Variants in DIP2A observed in about 807,000 individuals in gnomAD.
DIP2A encodes DIP2 acetate--CoA ligase A.
A neutral mutation model predicts 177.4 loss-of-function variants in DIP2A; 85 were observed. The ratio of observed to expected loss-of-function variants is 0.48; its 90% CI spans 0.40 to 0.57. The LOEUF (loss-of-function observed/expected upper bound fraction) is 0.57. Among genes scored for constraint, DIP2A ranks in the 20% least tolerant of loss-of-function variants. The pLI is 0.00. For missense variants in DIP2A, 1,791 were observed against 2,100.2 expected, an observed-to-expected ratio of 0.85 and a Z score of 2.88; for synonymous variants, 886 against 881.8, an observed-to-expected ratio of 1.00 and a Z score of -0.08.
In DIP2A at chr21:46,546,932, C is replaced by G; in HGVS notation, c.2412C>G (p.Ile804Met). Residue 804 changes from isoleucine (I) to methionine (M), a missense_variant, in exon 21 of 38, where the codon ATC becomes ATG. Coordinates refer to ENST00000417564, the MANE Select transcript of DIP2A (RefSeq NM_015151.4). The part of the protein sequence containing the change: ...GFIGPDNLVF[I>M]VGKLDGLMVT... ...TCCCTCAGGACAACCTGGTCTTCAT[C>G]GTGGGCAAACTGGACGGGCTGATGG... 6.2e-7 allele frequency: 1 copy of G among 1,613,834 alleles called. No individual in the cohort carries two copies.
intron 1 of DIP2A, among the ~76,000 whole-genome samples, chr21:46,483,569 A>C (rs2056492724): frequency 6.6e-6 from 1 of 152,230 alleles, no homozygotes; most frequent in Non-Finnish European, 1.5e-5. Context: ...GCCGTGGCTC[A>C]GGCTCTTCTT....
Position 46,541,892 on chromosome 21 carries a change from G to A in DIP2A, c.2173G>A (p.Gly725Arg), listed in dbSNP as rs2059834032. ...TCAGGACGTTGGTCAGGTGATGCCT[G>A]GAGGTAAGAGACATAACCAGAGTGG... is the stretch of plus-strand genomic sequence containing the variant. ...TVQDVGQVMP[G>R]ANVCVVKLEG... Residue 725 changes from glycine (G) to arginine (R), a missense_variant, in exon 18 of 38, where the codon GGA becomes AGA. By Grantham distance (125) the Gly-to-Arg change is moderately radical. Transcript: ENST00000417564. 1.2e-6 allele frequency: 2 copies of A among 1,614,018 alleles called. No individual in the cohort carries two copies. Among genetic ancestry groups the A allele is most frequent in the South Asian group, 1.1e-5 (1 of 91,086 alleles).
At chr21:46,503,612 CTTTCTTTCTTTCTTTCTTTCT>C (rs2057792710) in intron 5 of DIP2A, among the ~76,000 whole-genome samples, 1 of 79,658 alleles carries the variant, frequency 1.3e-5, no homozygotes, top group East Asian at 4.5e-4. Context: ...TCCTTCCTTC[CTTTCTTTCTTTCTTTCTTTCT>C]TTCCTTTCTT....
chr21:46,503,757 G>A (rs763498697), intron 5 of DIP2A, among the ~76,000 whole-genome samples: 9 of 144,320 alleles, frequency 6.2e-5, no homozygotes, highest in African/African-American at 7.7e-5. Flanking sequence ...AGAGAGTGTC[G>A]CTCTGTTGCC....
In DIP2A at chr21:46,490,648, A is replaced by G. The variant is rs1417661419; in HGVS notation, c.212A>G (p.Gln71Arg). The change falls in exon 3 of 38, where the codon CAA (glutamine) becomes CGA (arginine). Residue 71 changes from glutamine to arginine, a missense_variant. By Grantham distance (43) the Gln-to-Arg change is conservative. Coordinates refer to ENST00000417564, the MANE Select transcript of DIP2A (RefSeq NM_015151.4). ...QAENRIPGPS[Q>R]TTAAAPKQQK... ...GAGAATAGAATTCCTGGGCCCTCAC[A>G]AACCACGGCCGCTGCACCCAAGCAG... 3.8e-6 allele frequency: 6 copies of G among 1,588,544 alleles called. No individual in the cohort carries two copies. The highest frequency in any genetic ancestry group is 5.1e-6 in the Non-Finnish European group (6 of 1,167,378).
chr21:46,569,720 G>C lies in DIP2A; in HGVS notation c.*2098G>C, dbSNP rs2060929514. The C allele has an allele frequency of 6.6e-6, 1 of 152,116 alleles. No individual in the cohort carries two copies. The highest frequency in any genetic ancestry group is 2.1e-4 in the South Asian group (1 of 4,828). 9.4% of individuals were successfully genotyped at this position (152,116 alleles called of 1,614,324 possible). ...TATTGACTTTGTAATTCTGCATTTTGAAATGTGTGAAAAGGGTCTTTAAAT... is the reference window on the plus strand; with the variant it reads ...TATTGACTTTGTAATTCTGCATTTTCAAATGTGTGAAAAGGGTCTTTAAAT... On this transcript the variant is annotated 3_prime_UTR_variant, in exon 38 of 38. Transcript: ENST00000417564.
intron 32 of DIP2A, 78 bp downstream of exon 32, chr21:46,558,471 C>A: frequency 7.0e-7 from 1 of 1,434,578 alleles, no homozygotes; most frequent in South Asian, 1.2e-5. Flanking sequence ...TGTTAATGTG[C>A]CGTTTTGTAG....
intron 32 of DIP2A, among the ~76,000 whole-genome samples, chr21:46,559,569 G>T (rs1289975901): frequency 2.0e-5 from 3 of 152,212 alleles, no homozygotes; most frequent in African/African-American, 4.8e-5. Context: ...TGTGTAGGCT[G>T]TGGCTGAGCG....
chr21:46,538,559 C>T lies in DIP2A; in HGVS notation c.1878C>T (p.Leu626=), dbSNP rs775595303. The T allele has an allele frequency of 1.9e-6, 3 of 1,564,262 alleles. No individual in the cohort carries two copies. The highest frequency in any genetic ancestry group is 2.6e-6 in the Non-Finnish European group (3 of 1,156,588). Reference sequence around the variant, plus strand: ...AGCGGGGCCAGAGGGACGTCAGCCTCAGCTCACTGCGCATGCTGATTGTGG... The same window carrying T: ...AGCGGGGCCAGAGGGACGTCAGCCTTAGCTCACTGCGCATGCTGATTGTGG... ...LAQRGQRDVS[L]SSLRMLIVAD... Residue 626 remains leucine, a synonymous_variant, in exon 16 of 38, where the codon CTC becomes CTT. Coordinates refer to ENST00000417564, the MANE Select transcript of DIP2A (RefSeq NM_015151.4).
At chr21:46,577,470 A>G in the DIP2A span, among the ~76,000 whole-genome samples, 1 of 152,106 alleles carries the variant, frequency 6.6e-6, no homozygotes, top group East Asian at 1.9e-4. Context: ...TGGGTTCCCT[A>G]TCCTGTTCCA....
chr21:46,558,217 C>G lies in DIP2A; in HGVS notation c.3799-6C>G. 1 of 1,607,474 alleles carries G rather than the reference C, an allele frequency of 6.2e-7. No individual in the cohort carries two copies. Among genetic ancestry groups the G allele is most frequent in the African/African-American group, 1.3e-5 (1 of 74,976 alleles). ...GCCGTGGCCTGACCGCTCACCCCTC[C>G]CGCAGATGAAGGGGGTGAACCTGTC... On this transcript the variant is annotated splice_polypyrimidine_tract_variant and splice_region_variant and intron_variant, in intron 31 of 37. Coordinates refer to ENST00000417564, the MANE Select transcript of DIP2A (RefSeq NM_015151.4).
At chr21:46,583,755 T>G in the DIP2A span, among the ~76,000 whole-genome samples, 1 of 152,198 alleles carries the variant, frequency 6.6e-6, no homozygotes, top group African/African-American at 2.4e-5. Flanking sequence ...CTCTCTTGCC[T>G]TTCCACCTCC....
intron 18 of DIP2A, 52 bp downstream of exon 18, chr21:46,541,947 A>G: frequency 6.2e-7 from 1 of 1,610,384 alleles, no homozygotes. Flanking sequence ...TGAGGTAACG[A>G]AAAGGGTTTT....
At chr21:46,507,394 A>G (rs1368275180) in intron 6 of DIP2A, among the ~76,000 whole-genome samples, 1 of 152,224 alleles carries the variant, frequency 6.6e-6, no homozygotes, top group South Asian at 2.1e-4. Context: ...TAGCCTAAGT[A>G]TCAGGTATGA....
chr21:46,549,921 C>T (rs754270516), intron 22 of DIP2A, 36 bp downstream of exon 22: 1 of 1,605,510 alleles, frequency 6.2e-7, no homozygotes, highest in South Asian at 1.1e-5. Context: ...TTCGGTGAAT[C>T]TCCCAAGCTG....
chr21:46,540,802 T>C (rs1160600331), intron 17 of DIP2A, among the ~76,000 whole-genome samples: 1 of 152,034 alleles, frequency 6.6e-6, no homozygotes, highest in African/African-American at 2.4e-5. Context: ...TCACCTTAGG[T>C]TAGGAGTTCG....
At position 46,563,421 on chromosome 21, in the gene DIP2A, TG is replaced by T. The variant is rs1162527261; in HGVS notation, c.4090-435del. ...GAATTGGCACAGAGCCAGTGCTCAG[TG>T]GTTGGACTGACTCGGAGTCACGGGC... On this transcript the variant is annotated intron_variant, in intron 34 of 37. Coordinates refer to ENST00000417564, the MANE Select transcript of DIP2A (RefSeq NM_015151.4). This position sits in a 1 kb window ranked among gnomAD's most constrained non-coding sequence, Gnocchi z 4.3. Among the ~76,000 whole-genome samples, 2 of 152,096 alleles carry T rather than the reference TG, an allele frequency of 1.3e-5. No homozygotes were observed. Among genetic ancestry groups the T allele is most frequent in the Non-Finnish European group, 2.9e-5 (2 of 68,010 alleles).
chr21:46,555,922 C>G, intron 28 of DIP2A, 60 bp from the exon 29 acceptor site: 1 of 1,309,178 alleles, frequency 7.6e-7, no homozygotes, highest in Non-Finnish European at 1.1e-6. Context: ...CCTGTGAAAG[C>G]CCAGAGCGTT....
At chr21:46,523,435 C>CG (rs1294520278) in intron 8 of DIP2A, among the ~76,000 whole-genome samples, 2 of 111,296 alleles carry the variant, frequency 1.8e-5, no homozygotes, top group East Asian at 5.2e-4. Context: ...TTAGTAGAGA[C>CG]GGGGTTTCAC....
Sources: gnomAD v4.1 joint callset for allele counts (sites outside exome capture counted in the v4.1 genomes callset) on GRCh38, gnomAD v4.1.1 for gene constraint, Gnocchi (gnomAD v3.1) non-coding constraint, MANE v1.5 for transcripts, NCBI Gene and HGNC (gene_info 2026-07-23, HGNC 2026-07-21) for gene names.